Variants in PLXNA2 observed in about 807,000 individuals in gnomAD.
PLXNA2 encodes plexin-A2.
In PLXNA2, 91 loss-of-function variants were observed where a neutral mutation model predicts 193.5. The observed-to-expected ratio is 0.47, with a 90% CI of 0.40 to 0.56. PLXNA2 has a LOEUF of 0.56. Ranked by LOEUF, PLXNA2 falls within the 20% of genes least tolerant of loss-of-function variation. The probability of loss-of-function intolerance (pLI) is 0.00; values close to 1 mark genes in which losing one functional copy is unlikely to be tolerated. For missense variants in PLXNA2, 1,995 were observed against 2,503.2 expected (o/e 0.80, Z 4.33); for synonymous variants, 997 against 1,027.3 (o/e 0.97, Z 0.56).
intron 6 of PLXNA2, among the ~76,000 whole-genome samples, 156 bp from the exon 7 acceptor site, chr1:208,097,039 T>C (rs1363438385): frequency 6.6e-6 from 1 of 152,222 alleles, no homozygotes; most frequent in Non-Finnish European, 1.5e-5. Flanking sequence ...CTTTGAACAC[T>C]GAAGTTACAG....
chr1:208,220,967 A>G (rs1572048640), intron 1 of PLXNA2, among the ~76,000 whole-genome samples: 1 of 152,176 alleles, frequency 6.6e-6, no homozygotes, highest in East Asian at 1.9e-4. Flanking sequence ...TTGTCATACT[A>G]CTGCACAAGT....
At chr1:208,133,151 G>T (rs1112212) in intron 4 of PLXNA2, among the ~76,000 whole-genome samples, 5 of 152,306 alleles carry the variant, frequency 3.3e-5, no homozygotes. Flanking sequence ...GTTAGGGAGA[G>T]GGTGAGTCCC....
intron 23 of PLXNA2, 92 bp from the exon 24 acceptor site, chr1:208,039,859 G>A: frequency 6.3e-7 from 1 of 1,598,558 alleles, no homozygotes; most frequent in Non-Finnish European, 8.6e-7. Flanking sequence ...CCAGTGGAAG[G>A]AAGGGCTTTA....
At chr1:208,069,427 A>G (rs1665909945) in intron 12 of PLXNA2, among the ~76,000 whole-genome samples, 1 of 152,190 alleles carries the variant, frequency 6.6e-6, no homozygotes, top group Non-Finnish European at 1.5e-5. Flanking sequence ...AGCCGCGGTG[A>G]TGCTGCACCC....
Position 208,084,418 on chromosome 1 carries a change from G to T in PLXNA2, c.2260C>A (p.Arg754Ser). ...QGAIHRVPALRFNSSSVQCQN... is the reference protein window; with the variant it reads ...QGAIHRVPALSFNSSSVQCQN... ...CACTGAACGCTGGAGCTGTTGAAGCGCAGAGCGGGGACCCGGTGGATGGCT... is the reference window on the plus strand; with the variant it reads ...CACTGAACGCTGGAGCTGTTGAAGCTCAGAGCGGGGACCCGGTGGATGGCT... Residue 754 changes from arginine (R) to serine (S), a missense_variant, in exon 10 of 32, where the codon CGC (arginine) becomes AGC (serine). Around this residue, in one of 3 missense-constraint regions of PLXNA2, gnomAD observed 1,291 missense variants for 1,673.6 expected, o/e 0.77. Coordinates refer to ENST00000367033, the MANE Select transcript of PLXNA2 (RefSeq NM_025179.4). The T allele has an allele frequency of 6.2e-7, 1 of 1,614,266 alleles. No homozygotes were observed. Among genetic ancestry groups the T allele is most frequent in the Non-Finnish European group, 8.5e-7 (1 of 1,180,036 alleles).
intron 4 of PLXNA2, among the ~76,000 whole-genome samples, chr1:208,108,040 G>T (rs1413872291): frequency 6.6e-6 from 1 of 152,060 alleles, no homozygotes; most frequent in African/African-American, 2.4e-5. Context: ...TGGCTCTCCT[G>T]GCCCCGGGGC....
At chr1:208,178,137 G>C (rs1669719010) in intron 3 of PLXNA2, among the ~76,000 whole-genome samples, 1 of 151,790 alleles carries the variant, frequency 6.6e-6, no homozygotes, top group Admixed American at 6.6e-5. Flanking sequence ...CCTACCGAGA[G>C]GAGAAAAAAA....
intron 3 of PLXNA2, among the ~76,000 whole-genome samples, chr1:208,209,732 G>A (rs1324899952): frequency 6.6e-6 from 1 of 152,158 alleles, no homozygotes; most frequent in African/African-American, 2.4e-5. Flanking sequence ...GGAAGAGTCT[G>A]TGATTGCAGG....
At chr1:208,074,118 T>C (rs1666065841) in intron 12 of PLXNA2, among the ~76,000 whole-genome samples, 1 of 152,232 alleles carries the variant, frequency 6.6e-6, no homozygotes. Context: ...CCTGAGTTTA[T>C]CTTCCTGAGA....
At chr1:208,189,790 A>G (rs560000405) in intron 3 of PLXNA2, among the ~76,000 whole-genome samples, 1 of 152,282 alleles carries the variant, frequency 6.6e-6, no homozygotes, top group Non-Finnish European at 1.5e-5. Context: ...TCTTCCCACT[A>G]CACACACAGC....
chr1:208,175,339 G>T (rs554904303), intron 3 of PLXNA2, among the ~76,000 whole-genome samples: 4 of 152,148 alleles, frequency 2.6e-5, no homozygotes, highest in African/African-American at 9.7e-5. Context: ...GTGAACTGTG[G>T]ACTCCAGTAT....
intron 4 of PLXNA2, among the ~76,000 whole-genome samples, chr1:208,115,251 G>A (rs545230172): frequency 2.0e-5 from 3 of 152,274 alleles, no homozygotes; most frequent in African/African-American, 7.2e-5. Context: ...TTATCACCAA[G>A]TCAACCTGAA....
rs200508299 is a variant in PLXNA2 at position 208,084,473 on chromosome 1, T to C, written c.2205A>G (p.Arg735=). ...GTATGTTGAGGACACACTCATAGCC[T>C]CGCTGGCCGGACTGCGGCTGGGGCA... ...RNLPQPQSGQ[R]GYECVLNIQG... The change falls in exon 10 of 32, where the codon CGA becomes CGG. Residue 735 remains arginine (R), a synonymous_variant. Coordinates refer to ENST00000367033, the MANE Select transcript of PLXNA2 (RefSeq NM_025179.4). 6 of 1,614,256 alleles carry C rather than the reference T, an allele frequency of 3.7e-6. No individual in the cohort carries two copies. The highest frequency in any genetic ancestry group is 5.1e-6 in the Non-Finnish European group (6 of 1,180,044).
At chr1:208,036,381 TTC>T (rs1664670215) in intron 26 of PLXNA2, among the ~76,000 whole-genome samples, 1 of 152,220 alleles carries the variant, frequency 6.6e-6, no homozygotes, top group Non-Finnish European at 1.5e-5. Flanking sequence ...TCCTTGGTTT[TTC>T]TCTGTCTTAA....
chr1:208,103,987 C>A (rs982069028), intron 4 of PLXNA2, among the ~76,000 whole-genome samples: 3 of 152,156 alleles, frequency 2.0e-5, no homozygotes, highest in African/African-American at 7.2e-5. Context: ...CTGGATATTA[C>A]TCACCCCTAC....
chr1:208,072,907 A>AT (rs1283325098), intron 12 of PLXNA2, among the ~76,000 whole-genome samples: 2 of 152,114 alleles, frequency 1.3e-5, no homozygotes, highest in Admixed American at 1.3e-4. Context: ...ACGCAGAGAC[A>AT]TTTTAGGTAC....
intron 4 of PLXNA2, among the ~76,000 whole-genome samples, chr1:208,108,208 T>TAGCC (rs1293314594): frequency 6.6e-6 from 1 of 152,090 alleles, no homozygotes; most frequent in Non-Finnish European, 1.5e-5. Flanking sequence ...AGGCCCAGTA[T>TAGCC]AGCCAGACAC....
intron 13 of PLXNA2, 115 bp downstream of exon 13, chr1:208,060,571 G>A: frequency 1.8e-6 from 2 of 1,091,564 alleles, no homozygotes; most frequent in East Asian, 2.6e-5. Flanking sequence ...AGGTCCATGG[G>A]AGGAGAATGT....
Position 208,142,185 on chromosome 1 carries a change from C to G in PLXNA2, c.1506+144G>C, listed in dbSNP as rs561451577. ...CTTCTCTCTAGCTCCCTGCAAAAGC[C>G]TACAGGCACTCTGCCTCTCTCAAGA... is the stretch of plus-strand genomic sequence containing the variant. On this transcript the variant is annotated intron_variant, in intron 4 of 31. Coordinates refer to ENST00000367033, the MANE Select transcript of PLXNA2 (RefSeq NM_025179.4). 6.8e-4 allele frequency: 592 copies of G among 866,140 alleles called. 4 individuals are homozygous for G. In the African/African-American group the frequency reaches 9.4e-3, roughly 14 times the overall value. 53.7% of individuals were successfully genotyped at this position (866,140 alleles called of 1,614,324 possible).
Sources: gnomAD v4.1 joint callset for allele counts (sites outside exome capture counted in the v4.1 genomes callset) on GRCh38, gnomAD v4.1.1 for gene constraint, gnomAD v4.1.1 regional missense constraint, MANE v1.5 for transcripts, NCBI Gene and HGNC (gene_info 2026-07-23, HGNC 2026-07-21) for gene names.